LRRC37A2: variants seen among roughly 807,000 people sequenced by gnomAD.
The protein encoded by LRRC37A2 is leucine-rich repeat-containing protein 37A2.
LRRC37A2 carries 9 observed loss-of-function variants against 68.8 expected under a neutral mutation model. That is an observed-to-expected ratio of 0.13 (90% CI 0.08 to 0.23). The LOEUF is 0.23. Among genes scored for constraint, LRRC37A2 ranks in the 10% least tolerant of loss-of-function variants. The pLI is 1.00. For missense variants in LRRC37A2, 168 were observed against 950.4 expected, an observed-to-expected ratio of 0.18 and a Z score of 10.82; for synonymous variants, 63 against 367.6, an observed-to-expected ratio of 0.17 and a Z score of 9.48.
the LRRC37A2 span, chr17:47,035,214 G>A: frequency 1.3e-5 from 2 of 152,182 alleles, no homozygotes; most frequent in East Asian, 1.9e-4. Context: ...CAATTCAGTG[G>A]TGGTTAGTAT....
At chr17:46,809,688 C>A in the LRRC37A2 span, among the ~76,000 whole-genome samples, 1 of 152,208 alleles carries the variant, frequency 6.6e-6, no homozygotes, top group Non-Finnish European at 1.5e-5. Flanking sequence ...TTGGAAATCT[C>A]ACTCTGGGTC....
the LRRC37A2 span, among the ~76,000 whole-genome samples, chr17:46,982,293 C>G: frequency 6.6e-6 from 1 of 152,126 alleles, no homozygotes; most frequent in Admixed American, 6.6e-5. Flanking sequence ...TTTGCTATAC[C>G]CTGGACTTGG....
chr17:46,743,454 G>C, the LRRC37A2 span, among the ~76,000 whole-genome samples: 2 of 152,192 alleles, frequency 1.3e-5, no homozygotes, highest in Non-Finnish European at 2.9e-5. Flanking sequence ...TAAGTAGGTA[G>C]AATTTTCTCA....
chr17:46,824,687 G>C, the LRRC37A2 span, among the ~76,000 whole-genome samples: 1 of 152,242 alleles, frequency 6.6e-6, no homozygotes, highest in Non-Finnish European at 1.5e-5. Context: ...GCACTTAGCA[G>C]CCCCTCGAAA....
chr17:46,977,873 A>G, the LRRC37A2 span, among the ~76,000 whole-genome samples: 1 of 152,200 alleles, frequency 6.6e-6, no homozygotes, highest in Non-Finnish European at 1.5e-5. Context: ...ATTTTGTTTC[A>G]TCTCATATTA....
intron 11 of LRRC37A2, among the ~76,000 whole-genome samples, chr17:46,550,785 C>T (rs1450845724): frequency 1.2e-5 from 1 of 86,000 alleles, no homozygotes; most frequent in East Asian, 2.4e-4. Context: ...ATTTCTCCCA[C>T]CCAAAACTAT....
chr17:47,046,694 T>A, the LRRC37A2 span, among the ~76,000 whole-genome samples: 1 of 44,516 alleles, frequency 2.2e-5, no homozygotes. Flanking sequence ...TGTTATTTTT[T>A]AACTCCACAA....
At chr17:46,751,347 G>A in the LRRC37A2 span, among the ~76,000 whole-genome samples, 1 of 152,204 alleles carries the variant, frequency 6.6e-6, no homozygotes, top group African/African-American at 2.4e-5. Context: ...GGTTTAGGAT[G>A]GTGAAGGTCA....
the LRRC37A2 span, among the ~76,000 whole-genome samples, chr17:46,806,805 T>C: frequency 2.0e-5 from 3 of 152,074 alleles, no homozygotes; most frequent in Admixed American, 6.5e-5. Flanking sequence ...GCTGGGTGAA[T>C]GGGGAGATCC....
At chr17:46,771,244 G>A in the LRRC37A2 span, among the ~76,000 whole-genome samples, 2 of 152,054 alleles carry the variant, frequency 1.3e-5, no homozygotes, top group Non-Finnish European at 2.9e-5. Flanking sequence ...GCGCTGCCAG[G>A]GCCGACCGAG....
the LRRC37A2 span, among the ~76,000 whole-genome samples, chr17:46,787,977 A>G: frequency 6.7e-6 from 1 of 148,186 alleles, no homozygotes; most frequent in Admixed American, 6.7e-5. Flanking sequence ...AAAAAAAAAG[A>G]TGTAGCCTCC....
chr17:46,941,101 G>C, the LRRC37A2 span: 1 of 1,024,242 alleles, frequency 9.8e-7, no homozygotes, highest in Non-Finnish European at 1.2e-6. Flanking sequence ...TGCCTATTGT[G>C]ATTTAAAACA....
At chr17:46,714,010 T>G in the LRRC37A2 span, 1 of 1,594,750 alleles carries the variant, frequency 6.3e-7, no homozygotes, top group East Asian at 2.2e-5. Flanking sequence ...ACTTTCATTT[T>G]AATTTCCTAT....
At chr17:46,891,661 A>G in the LRRC37A2 span, among the ~76,000 whole-genome samples, 13 of 152,224 alleles carry the variant, frequency 8.5e-5, no homozygotes, top group East Asian at 2.1e-3. Context: ...CCGCCATGAA[A>G]TGCTTCCCGT....
At chr17:46,786,648 G>C in the LRRC37A2 span, among the ~76,000 whole-genome samples, 1 of 152,222 alleles carries the variant, frequency 6.6e-6, no homozygotes, top group African/African-American at 2.4e-5. Context: ...GATGCCCTGT[G>C]CGTGCTCAGG....
the LRRC37A2 span, chr17:46,978,946 G>A: frequency 1.4e-6 from 2 of 1,455,304 alleles, no homozygotes; most frequent in South Asian, 1.3e-5. Context: ...GGCGGCCCCG[G>A]CGCCGCCGCC....
At chr17:46,662,618 ACTT>A in the LRRC37A2 span, among the ~76,000 whole-genome samples, 1 of 133,136 alleles carries the variant, frequency 7.5e-6, no homozygotes, top group South Asian at 2.3e-4. Context: ...GCATGATACT[ACTT>A]CTTTATGAAC....
the LRRC37A2 span, among the ~76,000 whole-genome samples, chr17:46,793,102 T>C: frequency 0.042 from 904 of 21,286 alleles, 8 homozygotes; most frequent in Middle Eastern, 0.093. Flanking sequence ...TTGTTTCTAC[T>C]AAAATTAAAA....
the LRRC37A2 span, among the ~76,000 whole-genome samples, chr17:46,493,191 T>TC: frequency 7.5e-6 from 1 of 133,972 alleles, no homozygotes; most frequent in African/African-American, 3.2e-5. Flanking sequence ...AGAGTCTTGC[T>TC]CTGTTGCCCA....
Sources: allele counts gnomAD v4.1 joint callset (sites outside exome capture counted in the v4.1 genomes callset), GRCh38; gene constraint gnomAD v4.1.1; transcripts MANE v1.5; gene names NCBI Gene and HGNC (gene_info 2026-07-23, HGNC 2026-07-21).